BNC2: variants seen among roughly 807,000 people sequenced by gnomAD.
The protein encoded by BNC2 is zinc finger protein basonuclin-2.
Under a neutral mutation model 76.3 loss-of-function variants are expected in BNC2, and 20 were observed. That is an observed-to-expected ratio of 0.26 (90% CI 0.18 to 0.38). BNC2 has a LOEUF of 0.38. BNC2 is among the 10% of genes least tolerant of loss of function. The probability of loss-of-function intolerance (pLI) is 1.00; values close to 1 mark genes in which losing one functional copy is unlikely to be tolerated. For missense variants in BNC2, 1,382 were observed against 1,399.8 expected (o/e 0.99, Z 0.20); for synonymous variants, 582 against 514.8 (o/e 1.13, Z -1.77).
intron 1 of BNC2, among the ~76,000 whole-genome samples, chr9:16,761,735 A>C (rs1037167125): frequency 6.6e-6 from 1 of 152,194 alleles, no homozygotes; most frequent in African/African-American, 2.4e-5. Context: ...TAATTATTCC[A>C]GGGCTCCCTT....
chr9:16,782,964 T>C (rs1277334514), intron 1 of BNC2, among the ~76,000 whole-genome samples: 1 of 152,166 alleles, frequency 6.6e-6, no homozygotes, highest in African/African-American at 2.4e-5. Context: ...AGCAGGGGTG[T>C]TTCATATAAT....
Position 16,437,535 on chromosome 9 carries a change from C to T in BNC2, c.670-11G>A, listed in dbSNP as rs756691574. ...CTTGCCAGCAGCATCCTAGAGGCCA[C>T]ATCAAAGAAACAACAAAGACAAACA... On this transcript the variant is annotated splice_polypyrimidine_tract_variant and intron_variant, in intron 5 of 6. Transcript: ENST00000380672. 3 of 1,610,178 alleles carry T rather than the reference C, an allele frequency of 1.9e-6. No individual in the cohort carries two copies. The highest frequency in any genetic ancestry group is 2.5e-6 in the Non-Finnish European group (3 of 1,179,894).
intron 1 of BNC2, among the ~76,000 whole-genome samples, chr9:16,780,296 G>A (rs1826114500): frequency 2.0e-5 from 3 of 149,354 alleles, no homozygotes; most frequent in African/African-American, 7.4e-5. Flanking sequence ...CATCTTGGCT[G>A]GGCTCGGTGG....
chr9:16,479,429 A>G (rs1821999279), intron 5 of BNC2, among the ~76,000 whole-genome samples: 1 of 152,184 alleles, frequency 6.6e-6, no homozygotes, highest in Non-Finnish European at 1.5e-5. Context: ...AAAGTTTTCA[A>G]GTTTCAAAAA....
At chr9:16,715,618 T>C (rs967254114) in intron 3 of BNC2, among the ~76,000 whole-genome samples, 3 of 152,220 alleles carry the variant, frequency 2.0e-5, no homozygotes, top group African/African-American at 7.2e-5. Flanking sequence ...GATTTTTGGC[T>C]CATCATTATA....
chr9:16,787,568 T>A (rs979774137), intron 1 of BNC2, among the ~76,000 whole-genome samples: 1 of 152,170 alleles, frequency 6.6e-6, no homozygotes, highest in Non-Finnish European at 1.5e-5. Flanking sequence ...GATGATGAAA[T>A]GATCTGTTAG....
At chr9:16,638,749 G>C (rs2133825512) in intron 3 of BNC2, among the ~76,000 whole-genome samples, 1 of 152,038 alleles carries the variant, frequency 6.6e-6, no homozygotes, top group South Asian at 2.1e-4. Context: ...ACTACAAATA[G>C]AGTACGATAA....
intron 1 of BNC2, among the ~76,000 whole-genome samples, chr9:16,769,872 G>C (rs928334328): frequency 3.9e-5 from 6 of 152,148 alleles, no homozygotes; most frequent in Non-Finnish European, 5.9e-5. Flanking sequence ...GTGAAGTATA[G>C]ACCAACCTGT....
At chr9:16,719,238 G>A (rs867703490) in intron 3 of BNC2, among the ~76,000 whole-genome samples, 5 of 152,188 alleles carry the variant, frequency 3.3e-5, no homozygotes, top group Admixed American at 6.5e-5. Context: ...GGCAGAGGGC[G>A]CAGTAGTGGG....
intron 6 of BNC2, among the ~76,000 whole-genome samples, chr9:16,429,070 G>T (rs1462651451): frequency 6.6e-6 from 1 of 152,100 alleles, no homozygotes; most frequent in East Asian, 1.9e-4. Context: ...GCAAGGACAA[G>T]CTTCTTTCCA....
chr9:16,853,409 A>G (rs1819176572), intron 1 of BNC2, among the ~76,000 whole-genome samples: 1 of 149,286 alleles, frequency 6.7e-6, no homozygotes, highest in Non-Finnish European at 1.5e-5. Context: ...CTTGTCTCAA[A>G]AAAAAAAAAA....
At chr9:16,478,162 C>A (rs1041147081) in intron 5 of BNC2, among the ~76,000 whole-genome samples, 23 of 152,152 alleles carry the variant, frequency 1.5e-4, no homozygotes, top group Non-Finnish European at 1.5e-5. Context: ...AATTTCGGTC[C>A]TCTGAGATAT....
At chr9:16,708,876 T>C (rs981566120) in intron 3 of BNC2, among the ~76,000 whole-genome samples, 1 of 152,106 alleles carries the variant, frequency 6.6e-6, no homozygotes, top group African/African-American at 2.4e-5. Context: ...AAAAGCACAA[T>C]GTGAGCCCTC....
At chr9:16,638,037 G>C (rs780088501) in intron 3 of BNC2, among the ~76,000 whole-genome samples, 2 of 152,170 alleles carry the variant, frequency 1.3e-5, no homozygotes, top group African/African-American at 4.8e-5. Flanking sequence ...GGATGACTCC[G>C]AGCAGGATTG....
At chr9:16,576,045 T>C (rs1819475628) in intron 4 of BNC2, among the ~76,000 whole-genome samples, 1 of 152,196 alleles carries the variant, frequency 6.6e-6, no homozygotes, top group Non-Finnish European at 1.5e-5. Flanking sequence ...CCTAGAAACA[T>C]TTCCCCTAAG....
At chr9:16,539,889 T>C (rs956824808) in intron 5 of BNC2, among the ~76,000 whole-genome samples, 13 of 151,674 alleles carry the variant, frequency 8.6e-5, no homozygotes, top group Non-Finnish European at 1.3e-4. Flanking sequence ...GGAAAATCTG[T>C]GACCTAATTG....
chr9:16,553,849 T>C (rs895493545), intron 4 of BNC2, among the ~76,000 whole-genome samples: 4 of 152,230 alleles, frequency 2.6e-5, no homozygotes, highest in African/African-American at 9.6e-5. Context: ...AACACTGTCT[T>C]ATCTGTAGGG....
At chr9:16,538,722 G>T (rs1669224006) in intron 5 of BNC2, among the ~76,000 whole-genome samples, 1 of 152,072 alleles carries the variant, frequency 6.6e-6, no homozygotes, top group South Asian at 2.1e-4. Context: ...AAAAGTGGGG[G>T]CCAGGTTGAA....
intron 5 of BNC2, among the ~76,000 whole-genome samples, chr9:16,514,110 A>C (rs970184797): frequency 2.6e-5 from 4 of 152,108 alleles, no homozygotes; most frequent in Non-Finnish European, 4.4e-5. Flanking sequence ...TGAACCACCA[A>C]AGTCCTTTCT....
Sources: allele counts gnomAD v4.1 joint callset (sites outside exome capture counted in the v4.1 genomes callset), GRCh38; gene constraint gnomAD v4.1.1; transcripts MANE v1.5; gene names NCBI Gene and HGNC (gene_info 2026-07-23, HGNC 2026-07-21).